MSRA: variants seen among roughly 807,000 people sequenced by gnomAD.
MSRA encodes methionine sulfoxide reductase A.
In MSRA, 54 loss-of-function variants were observed where a neutral mutation model predicts 31.3. The observed-to-expected ratio is 1.73, with a 90% CI of 1.39 to 2.17. MSRA has a LOEUF of 2.17. MSRA is among the 30% of genes most tolerant of loss of function. MSRA has a pLI of 0.00. For missense variants in MSRA, 507 were observed against 300.9 expected (o/e 1.69, Z -5.07); for synonymous variants, 169 against 116.5 (o/e 1.45, Z -2.90).
At chr8:10,375,196 A>T (rs936118451) in intron 5 of MSRA, among the ~76,000 whole-genome samples, 1 of 152,156 alleles carries the variant, frequency 6.6e-6, no homozygotes, top group African/African-American at 2.4e-5. Flanking sequence ...CTTCCTACTT[A>T]TTCCTATCTT....
intron 3 of MSRA, chr8:10,250,350 A>C: frequency 1.4e-6 from 1 of 694,438 alleles, no homozygotes; most frequent in Non-Finnish European, 2.6e-6. Flanking sequence ...CTAATATACA[A>C]ATACCCCATT....
intron 5 of MSRA, among the ~76,000 whole-genome samples, chr8:10,423,308 A>T (rs6985267): frequency 7.2e-5 from 11 of 152,148 alleles, no homozygotes; most frequent in African/African-American, 2.6e-4. Flanking sequence ...CAATTCGTTA[A>T]GGAAAAGTAG....
intron 1 of MSRA, among the ~76,000 whole-genome samples, chr8:10,086,468 A>G (rs1317686878): frequency 6.6e-6 from 1 of 152,208 alleles, no homozygotes; most frequent in African/African-American, 2.4e-5. Context: ...GAATTCATTA[A>G]ATAATGAAAC....
At position 10,386,869 on chromosome 8, in the gene MSRA, AT is replaced by A. The variant is rs1806424251; in HGVS notation, c.544-41276del. ...AGGAGACTCTTCTTCAGAGTGGATT[AT>A]TTAAAAAAAAAAAAAAAAAAAACAG... On this transcript the variant is annotated intron_variant, in intron 5 of 5. Coordinates refer to ENST00000317173, the MANE Select transcript of MSRA (RefSeq NM_012331.5). Among the ~76,000 whole-genome samples the A allele has an allele frequency of 3.0e-5, 3 of 100,854 alleles. No homozygotes were observed. In the South Asian group the frequency reaches 9.1e-4, roughly 31 times the overall value. The allele number at this position is 100,854 out of a possible 152,430, so 66.2% of individuals were successfully genotyped here. A position where few individuals can be genotyped will look rare whatever the true frequency, so the allele number is the denominator to read the frequency against.
intron 1 of MSRA, among the ~76,000 whole-genome samples, chr8:10,085,313 C>T (rs1798504769): frequency 6.6e-6 from 1 of 152,186 alleles, no homozygotes; most frequent in Admixed American, 6.5e-5. Flanking sequence ...TTGAGATGAA[C>T]ATCATCTGTA....
chr8:10,112,091 C>G (rs998646510), intron 1 of MSRA, among the ~76,000 whole-genome samples: 5 of 142,278 alleles, frequency 3.5e-5, no homozygotes, highest in East Asian at 2.8e-4. Flanking sequence ...AGTCTTTGTT[C>G]TCTAATTTTG....
chr8:10,308,443 C>T (rs188693766), intron 4 of MSRA, among the ~76,000 whole-genome samples: 50 of 152,328 alleles, frequency 3.3e-4, no homozygotes, highest in African/African-American at 1.1e-3. Context: ...CCACGTAGGT[C>T]CTCCAGTAGT....
intron 2 of MSRA, among the ~76,000 whole-genome samples, chr8:10,228,127 C>G (rs927751156): frequency 2.6e-5 from 4 of 152,154 alleles, no homozygotes; most frequent in Non-Finnish European, 4.4e-5. Flanking sequence ...TGTCTCTCGT[C>G]CACTGAGCTA....
At chr8:10,295,187 A>T (rs1445903644) in intron 3 of MSRA, among the ~76,000 whole-genome samples, 1 of 152,038 alleles carries the variant, frequency 6.6e-6, no homozygotes, top group Non-Finnish European at 1.5e-5. Flanking sequence ...ACGTTCTCAG[A>T]TAAGTTCCGG....
At chr8:10,126,447 C>A (rs1038457428) in intron 1 of MSRA, among the ~76,000 whole-genome samples, 5 of 152,142 alleles carry the variant, frequency 3.3e-5, no homozygotes, top group Non-Finnish European at 7.4e-5. Flanking sequence ...AGACTGGGGG[C>A]AGGGGCGATG....
At chr8:10,124,595 C>T (rs17151140) in intron 1 of MSRA, among the ~76,000 whole-genome samples, 36,052 of 152,064 alleles carry the variant, frequency 0.24, 4,533 homozygotes, top group East Asian at 0.39. Flanking sequence ...CTTTATGAGA[C>T]ACCAGTCAGT....
At chr8:10,118,885 T>C (rs1029483988) in intron 1 of MSRA, among the ~76,000 whole-genome samples, 1 of 152,136 alleles carries the variant, frequency 6.6e-6, no homozygotes, top group Admixed American at 6.5e-5. Context: ...GAAGAGGACA[T>C]TGGGAAGGCA....
intron 1 of MSRA, among the ~76,000 whole-genome samples, chr8:10,117,639 T>C (rs1228164011): frequency 6.6e-6 from 1 of 152,236 alleles, no homozygotes; most frequent in Non-Finnish European, 1.5e-5. Context: ...TTGATGGTAC[T>C]GATGAGAGTG....
chr8:10,343,206 T>C (rs1356247500), intron 5 of MSRA, among the ~76,000 whole-genome samples: 1 of 152,068 alleles, frequency 6.6e-6, no homozygotes, highest in African/African-American at 2.4e-5. Flanking sequence ...ACCTTCAGGC[T>C]TGCTCAGCAG....
intron 5 of MSRA, among the ~76,000 whole-genome samples, chr8:10,359,723 GTCTCAGATGGAGGACGA>G: frequency 6.6e-6 from 1 of 152,016 alleles, no homozygotes; most frequent in South Asian, 2.1e-4. Context: ...ATGGAGGATG[GTCTCAGATGGAGGACGA>G]TCTCAGATGG....
rs565542604 is a variant in MSRA, at chr8:10,144,984, C to T, written c.143-62849C>T. 2.0e-5 allele frequency among the ~76,000 whole-genome samples: 3 copies of T among 152,010 alleles called. No homozygotes were observed. The South Asian group carries it at 6.2e-4, about 32-fold the overall frequency. On this transcript the variant is annotated intron_variant, in intron 1 of 5. Coordinates refer to ENST00000317173, the MANE Select transcript of MSRA (RefSeq NM_012331.5). ...TTTGGGGGAGGGGGCATGTAGGAGT[C>T]TCCTTTCCCCTCCCCCCGCCTCTCC... is the stretch of plus-strand genomic sequence containing the variant.
intron 1 of MSRA, among the ~76,000 whole-genome samples, chr8:10,127,267 G>C (rs1351876): frequency 6.6e-6 from 1 of 151,932 alleles, no homozygotes; most frequent in Non-Finnish European, 1.5e-5. Context: ...ATCCTACTCA[G>C]GGTCATCGCC....
At chr8:10,224,174 A>G (rs997256896) in intron 2 of MSRA, among the ~76,000 whole-genome samples, 20 of 152,188 alleles carry the variant, frequency 1.3e-4, no homozygotes, top group African/African-American at 3.4e-4. Context: ...TCTCCCACCA[A>G]ACCAGTTCTT....
At chr8:10,333,296 A>G (rs1802816084) in intron 5 of MSRA, among the ~76,000 whole-genome samples, 1 of 152,328 alleles carries the variant, frequency 6.6e-6, no homozygotes, top group East Asian at 1.9e-4. Flanking sequence ...GTGTATCCAG[A>G]TGAATCTTTT....
Sources: gnomAD v4.1 joint callset for allele counts (sites outside exome capture counted in the v4.1 genomes callset) on GRCh38, gnomAD v4.1.1 for gene constraint, MANE v1.5 for transcripts, NCBI Gene and HGNC (gene_info 2026-07-23, HGNC 2026-07-21) for gene names.